Variants in LAMA5 observed in about 807,000 individuals in gnomAD.
LAMA5 encodes laminin subunit alpha-5.
Under a neutral mutation model 433.4 loss-of-function variants are expected in LAMA5, and 260 were observed. That is an observed-to-expected ratio of 0.60 (90% CI 0.54 to 0.66). The LOEUF (loss-of-function observed/expected upper bound fraction) is 0.66. Ranked by LOEUF, LAMA5 falls within the 30% of genes least tolerant of loss-of-function variation. LAMA5 has a pLI of 0.00. For missense variants in LAMA5, 5,378 were observed against 5,258.5 expected (o/e 1.02, Z -0.70); for synonymous variants, 2,620 against 2,226.6 (o/e 1.18, Z -4.97).
chr20:62,334,874 C>T, intron 20 of LAMA5, 147 bp downstream of exon 20: 1 of 769,910 alleles, frequency 1.3e-6, no homozygotes, highest in Non-Finnish European at 2.1e-6. Context: ...CTCCCACACC[C>T]TGGCACAGGC....
At chr20:62,316,212 G>A (rs1469724323) in intron 57 of LAMA5, 154 bp from the exon 58 acceptor site, 4 of 623,884 alleles carry the variant, frequency 6.4e-6, no homozygotes, top group Non-Finnish European at 1.1e-5. Context: ...AGCCTGTGGG[G>A]AGGTGTTGAG....
At chr20:62,328,535 G>C in intron 34 of LAMA5, 90 bp from the exon 35 acceptor site, 2 of 1,325,724 alleles carry the variant, frequency 1.5e-6, no homozygotes, top group Non-Finnish European at 2.0e-6. Context: ...ATGTGGCAGT[G>C]TGACGGGGGC....
chr20:62,329,785 G>T lies in LAMA5; in HGVS notation c.4111C>A (p.Leu1371Ile). The T allele has an allele frequency of 6.2e-7, 1 of 1,612,426 alleles. No homozygotes were observed. The highest frequency in any genetic ancestry group is 8.5e-7 in the Non-Finnish European group (1 of 1,179,762). Residue 1371 changes from leucine (L) to isoleucine (I), a missense_variant, in exon 32 of 80, where the codon CTC becomes ATC. Leu to Ile is a conservative substitution (Grantham distance 5). Transcript: ENST00000252999. ...CATCAGCTGGGACTCACCAGCCAGAGCCACCGGCCCTTGGGCACACGCACG... is the reference window on the plus strand; with the variant it reads ...CATCAGCTGGGACTCACCAGCCAGATCCACCGGCCCTTGGGCACACGCACG... ...VTVRVPKGRW[L>I]WLDYVLVVPE...
At chr20:62,326,042 G>A (rs113248095) in intron 40 of LAMA5, among the ~76,000 whole-genome samples, 1,525 of 152,054 alleles carry the variant, frequency 0.01, 20 homozygotes, top group African/African-American at 0.035. Context: ...CCAACACGGC[G>A]AAACCCCATC....
intron 11 of LAMA5, among the ~76,000 whole-genome samples, chr20:62,341,291 TA>T (rs796603291): frequency 4.0e-5 from 6 of 151,684 alleles, no homozygotes; most frequent in Non-Finnish European, 5.9e-5. Flanking sequence ...ATAGACTATT[TA>T]AAAAAAACAC....
In LAMA5 at chr20:62,330,376, CAG is replaced by C. The variant is rs1422836918; in HGVS notation, c.3979+110_3979+111del. ...GCTAGTTTGAGAACTGATGGCAGGACAGAGTCATGTTGCCTGTCGCTCATAGC... is the reference window on the plus strand; with the variant it reads ...GCTAGTTTGAGAACTGATGGCAGGACAGTCATGTTGCCTGTCGCTCATAGC... On this transcript the variant is annotated intron_variant, in intron 31 of 79. Coordinates refer to ENST00000252999, the MANE Select transcript of LAMA5 (RefSeq NM_005560.6). The C allele has an allele frequency of 3.6e-6, 5 of 1,372,678 alleles. No homozygotes were observed. In the Admixed American group the frequency reaches 8.8e-5, roughly 24 times the overall value. 85.0% of individuals were successfully genotyped at this position (1,372,678 alleles called of 1,614,324 possible).
In LAMA5 at chr20:62,337,899, C is replaced by T; in HGVS notation, c.1931G>A (p.Cys644Tyr). Reference sequence around the variant, plus strand: ...GCAGCGGCACAAACCTCCCGCCCCACAGAGCTGGTCCAGGGCTCCCCGAGG... The same window carrying T: ...GCAGCGGCACAAACCTCCCGCCCCATAGAGCTGGTCCAGGGCTCCCCGAGG... Reference protein sequence around the residue: ...CDPRGALDQLCGAGGLCRCRP... With the variant: ...CDPRGALDQLYGAGGLCRCRP... Residue 644 changes from cysteine (C) to tyrosine (Y), a missense_variant, in exon 15 of 80, where the codon TGT (cysteine) becomes TAT (tyrosine). Coordinates refer to ENST00000252999, the MANE Select transcript of LAMA5 (RefSeq NM_005560.6). 1 of 1,612,040 alleles carries T rather than the reference C, an allele frequency of 6.2e-7. No homozygotes were observed. Among genetic ancestry groups the T allele is most frequent in the Non-Finnish European group, 8.5e-7 (1 of 1,179,626 alleles).
In LAMA5 at chr20:62,323,569, C is replaced by T; in HGVS notation, c.5951G>A (p.Cys1984Tyr). Residue 1984 changes from cysteine to tyrosine, a missense_variant, in exon 45 of 80, where the codon TGC becomes TAC. Coordinates refer to ENST00000252999, the MANE Select transcript of LAMA5 (RefSeq NM_005560.6). ...NGDPNLLFSD[C>Y]DPLTGACRGC... ...ACGGCAGGCGCCCGTCAGGGGGTCG[C>T]AGTCGCTGAAGAGCAAGTTGGGGTC... 6.2e-7 allele frequency: 1 copy of T among 1,605,016 alleles called. No homozygotes were observed. The highest frequency in any genetic ancestry group is 8.5e-7 in the Non-Finnish European group (1 of 1,177,518).
intron 26 of LAMA5, 118 bp downstream of exon 26, chr20:62,332,972 G>A (rs1980774130): frequency 7.8e-7 from 1 of 1,284,878 alleles, no homozygotes; most frequent in Non-Finnish European, 1.0e-6. Flanking sequence ...CCTGGGTGCT[G>A]GGCTCCATTG....
rs150195333 is a variant in LAMA5, at chr20:62,345,530, C to T, written c.1477+288G>A. The T allele has an allele frequency of 2.2e-3, 1,195 of 542,336 alleles. 4 individuals carry two copies. Among genetic ancestry groups the T allele is most frequent in the Non-Finnish European group, 3.2e-3 (929 of 290,944 alleles). 33.6% of individuals were successfully genotyped at this position (542,336 alleles called of 1,614,324 possible). Reference sequence around the variant, plus strand: ...CAAGCAATCCTTCCACCTCAGCCTCCGGAGTAGCTCGAACTACAGGCACAC... The same window carrying T: ...CAAGCAATCCTTCCACCTCAGCCTCTGGAGTAGCTCGAACTACAGGCACAC... On this transcript the variant is annotated intron_variant, in intron 11 of 79. Transcript: ENST00000252999.
rs868865989 is a variant in LAMA5, at chr20:62,346,162, G to A, written c.1336C>T (p.Arg446Ter). 5 of 1,612,938 alleles carry A rather than the reference G, an allele frequency of 3.1e-6. No homozygotes were observed. The highest frequency in any genetic ancestry group is 4.2e-6 in the Non-Finnish European group (5 of 1,179,952). The change falls in exon 10 of 80, where the codon CGA becomes TGA. Residue 446 changes from arginine (R) to a stop codon, truncating the protein, a stop_gained. Coordinates refer to ENST00000252999, the MANE Select transcript of LAMA5 (RefSeq NM_005560.6). LOFTEE classifies it high-confidence loss of function. Reference sequence around the variant, plus strand: ...GAGAAGTTGGGCCGGCAGTAGCATCGACCCGTCAGGTCCTCGCAGGTGCCA... The same window carrying A: ...GAGAAGTTGGGCCGGCAGTAGCATCAACCCGTCAGGTCCTCGCAGGTGCCA... The part of the protein sequence containing the change: ...TDGTCEDLTG[R>*]CYCRPNFSGE...
intron 30 of LAMA5, 30 bp downstream of exon 30, chr20:62,330,713 C>A (rs1463808384): frequency 1.9e-6 from 3 of 1,555,400 alleles, no homozygotes; most frequent in Admixed American, 3.9e-5. Context: ...GCCCTGACAC[C>A]CCCGTCCCTC....
chr20:62,321,095 G>A (rs1412676646), intron 48 of LAMA5, among the ~76,000 whole-genome samples: 1 of 147,722 alleles, frequency 6.8e-6, no homozygotes, highest in East Asian at 2.0e-4. Context: ...GAAGGGCATG[G>A]GGTCACCCAG....
intron 53 of LAMA5, 90 bp downstream of exon 53, chr20:62,318,364 G>GGGAGGGGAGGGGAGGGGAGGACGAGA (rs1987274951): frequency 1.7e-6 from 1 of 574,076 alleles, no homozygotes; most frequent in Admixed American, 3.0e-5. Context: ...GGAGGACGAG[G>GGGAGGGGAGGGGAGGGGAGGACGAGA]GGAGGGGAGG....
At chr20:62,331,199 T>C (rs1347486098) in intron 28 of LAMA5, 70 bp from the exon 29 acceptor site, 1 of 215,408 alleles carries the variant, frequency 4.6e-6, no homozygotes, top group Non-Finnish European at 6.8e-6. Flanking sequence ...GGCGGTACGA[T>C]GGGGGGGTGC....
chr20:62,356,743 C>G (rs1359527247), intron 2 of LAMA5, among the ~76,000 whole-genome samples: 2 of 152,208 alleles, frequency 1.3e-5, no homozygotes, highest in African/African-American at 4.8e-5. Context: ...GGAGCGGACA[C>G]TTCCCCTTCC....
intron 2 of LAMA5, among the ~76,000 whole-genome samples, chr20:62,356,843 G>A (rs1489635559): frequency 1.3e-5 from 2 of 152,254 alleles, no homozygotes; most frequent in East Asian, 3.8e-4. Flanking sequence ...GCCCTGGGAG[G>A]GAGGACGCCA....
intron 1 of LAMA5, 110 bp from the exon 2 acceptor site, chr20:62,362,662 C>A: frequency 1.0e-6 from 1 of 975,080 alleles, no homozygotes; most frequent in Non-Finnish European, 1.4e-6. Context: ...GAGCTGGTTC[C>A]ACGCCCAGCC....
rs757852803 is a variant in LAMA5 at position 62,318,889 on chromosome 20, C to T, written c.6996G>A (p.Gly2332=). 6.8e-6 allele frequency: 11 copies of T among 1,607,912 alleles called. No individual in the cohort carries two copies. The African/African-American group carries it at 9.3e-5, about 14-fold the overall frequency. The change falls in exon 52 of 80, where the codon GGG becomes GGA. Residue 2332 remains glycine, a synonymous_variant. Transcript: ENST00000252999. The part of the protein sequence containing the change: ...LLWEMRARDL[G]APQAAAEAEL... ...CAGCCTCAGCTGCTGCCTGCGGGGCCCCCAGGTCCCGGGCCCGCATCTCCC... is the reference window on the plus strand; with the variant it reads ...CAGCCTCAGCTGCTGCCTGCGGGGCTCCCAGGTCCCGGGCCCGCATCTCCC...
Sources: allele counts gnomAD v4.1 joint callset (sites outside exome capture counted in the v4.1 genomes callset), GRCh38; gene constraint gnomAD v4.1.1; transcripts MANE v1.5; gene names NCBI Gene and HGNC (gene_info 2026-07-23, HGNC 2026-07-21).